ACKR2: variants seen among roughly 807,000 people sequenced by gnomAD.
ACKR2 encodes the protein C-C chemokine receptor D6.
For missense variants in ACKR2, 457 were observed against 477.3 expected (o/e 0.96, Z 0.40); for synonymous variants, 207 against 192.2 (o/e 1.08, Z -0.64).
intron 2 of ACKR2, among the ~76,000 whole-genome samples, chr3:42,854,734 A>AT (rs2088292233): frequency 6.6e-6 from 1 of 152,204 alleles, no homozygotes; most frequent in South Asian, 2.1e-4. Flanking sequence ...CCTCATCACA[A>AT]TATCTTTCCT....
chr3:42,844,288 G>A (rs928585328), intron 2 of ACKR2, among the ~76,000 whole-genome samples: 2 of 152,172 alleles, frequency 1.3e-5, no homozygotes, highest in African/African-American at 4.8e-5. Context: ...AGTGAAGAGT[G>A]TGTTAGCAAA....
At chr3:42,847,799 T>C (rs1373257172) in intron 2 of ACKR2, among the ~76,000 whole-genome samples, 2 of 152,090 alleles carry the variant, frequency 1.3e-5, no homozygotes, top group Non-Finnish European at 2.9e-5. Flanking sequence ...GCTCAGCCCT[T>C]CCTGGAACTC....
intron 1 of ACKR2, among the ~76,000 whole-genome samples, chr3:42,815,225 A>G (rs1700737725): frequency 6.6e-6 from 1 of 152,252 alleles, no homozygotes. Flanking sequence ...AGCCTTAGCC[A>G]GAAAATTTAA....
chr3:42,849,393 C>T (rs376567564), intron 2 of ACKR2, among the ~76,000 whole-genome samples: 3 of 151,586 alleles, frequency 2.0e-5, no homozygotes, highest in South Asian at 2.1e-4. Context: ...TCCCAGCCAC[C>T]GGGCCGAGGT....
intron 1 of ACKR2, among the ~76,000 whole-genome samples, chr3:42,812,237 A>G (rs1365415761): frequency 6.6e-6 from 1 of 152,194 alleles, no homozygotes; most frequent in Admixed American, 6.5e-5. Flanking sequence ...TTGTTTGGCT[A>G]GGAGTATTGT....
At chr3:42,850,901 C>T (rs1701149390) in intron 2 of ACKR2, 1 of 152,402 alleles carries the variant, frequency 6.6e-6, no homozygotes, top group Non-Finnish European at 1.5e-5. Context: ...ATTGGTGACA[C>T]AGTGGGTGTA....
intron 2 of ACKR2, among the ~76,000 whole-genome samples, chr3:42,837,536 C>T (rs1471786832): frequency 6.6e-6 from 1 of 152,164 alleles, no homozygotes; most frequent in African/African-American, 2.4e-5. Flanking sequence ...GCCTGCAGTT[C>T]TGACAGGAGA....
chr3:42,821,828 C>CT (rs1700812134), intron 2 of ACKR2, among the ~76,000 whole-genome samples: 1 of 152,036 alleles, frequency 6.6e-6, no homozygotes, highest in African/African-American at 2.4e-5. Flanking sequence ...TCCCGAGTAG[C>CT]TGGGACTACA....
intron 1 of ACKR2, among the ~76,000 whole-genome samples, chr3:42,813,718 T>G (rs1393914889): frequency 1.3e-5 from 2 of 152,260 alleles, no homozygotes; most frequent in Non-Finnish European, 2.9e-5. Context: ...AGTTTGTAAC[T>G]TGGTACAATG....
At chr3:42,812,234 G>T (rs1230631450) in intron 1 of ACKR2, among the ~76,000 whole-genome samples, 1 of 152,140 alleles carries the variant, frequency 6.6e-6, no homozygotes, top group Non-Finnish European at 1.5e-5. Context: ...CCCTTGTTTG[G>T]CTAGGAGTAT....
Position 42,836,802 on chromosome 3 carries a change from A to G in ACKR2, c.-38+17091A>G, listed in dbSNP as rs150119755. On this transcript the variant is annotated intron_variant, in intron 2 of 2. Transcript: ENST00000422265. ...TCCTAGGACTGTGTGGAGATGCCAG[A>G]TAAATAACCTCAGGACTAGTGTATG... Among the ~76,000 whole-genome samples, 156 of 152,312 alleles carry G rather than the reference A, an allele frequency of 1.0e-3. 2 individuals are homozygous for G. The East Asian group carries it at 0.027, about 27-fold the overall frequency.
intron 2 of ACKR2, chr3:42,856,229 A>G (rs1015430338): frequency 1.7e-6 from 1 of 581,200 alleles, no homozygotes. Flanking sequence ...AGATAAAGCC[A>G]CTCAGGCTGA....
chr3:42,850,442 G>A (rs1575388422), intron 2 of ACKR2, among the ~76,000 whole-genome samples: 1 of 152,274 alleles, frequency 6.6e-6, no homozygotes. Flanking sequence ...GCAGAGCCAG[G>A]TCCAAGCCCA....
intron 2 of ACKR2, among the ~76,000 whole-genome samples, chr3:42,824,868 T>G (rs1398556377): frequency 2.0e-5 from 3 of 152,172 alleles, no homozygotes; most frequent in Non-Finnish European, 4.4e-5. Flanking sequence ...GACCATATGT[T>G]TAAGTTCTTA....
chr3:42,821,662 T>C (rs1700810392), intron 2 of ACKR2, among the ~76,000 whole-genome samples: 1 of 152,148 alleles, frequency 6.6e-6, no homozygotes. Flanking sequence ...TTGCTGCCTA[T>C]GCTCAGATTG....
At chr3:42,861,767 A>C (rs140945971) in intron 2 of ACKR2, among the ~76,000 whole-genome samples, 3 of 152,204 alleles carry the variant, frequency 2.0e-5, no homozygotes, top group African/African-American at 4.8e-5. Flanking sequence ...CAAAAACCAC[A>C]TTATTTTCTC....
At chr3:42,845,788 G>A (rs1267693415) in intron 2 of ACKR2, among the ~76,000 whole-genome samples, 1 of 148,690 alleles carries the variant, frequency 6.7e-6, no homozygotes, top group Non-Finnish European at 1.5e-5. Context: ...GGCGGAGGCT[G>A]CAGTGAACTG....
chr3:42,841,471 A>G (rs559379714), intron 2 of ACKR2: 7 of 152,276 alleles, frequency 4.6e-5, no homozygotes, highest in Middle Eastern at 3.4e-3. Context: ...GGATCCATGG[A>G]CCTTAGATTA....
intron 2 of ACKR2, among the ~76,000 whole-genome samples, chr3:42,841,203 A>G (rs1701034016): frequency 6.6e-6 from 1 of 152,242 alleles, no homozygotes; most frequent in Non-Finnish European, 1.5e-5. Context: ...ATTTATGTGT[A>G]TCTTTATTAA....
Sources: gnomAD v4.1 joint callset for allele counts (sites outside exome capture counted in the v4.1 genomes callset) on GRCh38, gnomAD v4.1.1 for gene constraint, MANE v1.5 for transcripts, NCBI Gene and HGNC (gene_info 2026-07-23, HGNC 2026-07-21) for gene names.